The following RCOR1 variants were observed in gnomAD, a reference collection of about 807,000 sequenced individuals.
The protein encoded by RCOR1 is REST corepressor.
In RCOR1, 12 loss-of-function variants were observed where a neutral mutation model predicts 64.0. That is an observed-to-expected ratio of 0.19 (90% CI 0.12 to 0.30). RCOR1 has a LOEUF of 0.30. Ranked by LOEUF, RCOR1 falls within the 10% of genes least tolerant of loss-of-function variation. The probability of loss-of-function intolerance (pLI) is 1.00; values close to 1 mark genes in which losing one functional copy is unlikely to be tolerated. For synonymous variants in RCOR1, 279 were observed against 227.2 expected (o/e 1.23, Z -2.05); for missense variants, 502 against 621.2 (o/e 0.81, Z 2.04).
chr14:102,631,328 G>T (rs1039780884), intron 2 of RCOR1, among the ~76,000 whole-genome samples: 1 of 151,150 alleles, frequency 6.6e-6, no homozygotes, highest in East Asian at 2.0e-4. Context: ...TCAGCCTCCC[G>T]AGTAGCTGGG....
At chr14:102,660,285 TTGAA>T (rs1894803305) in intron 2 of RCOR1, among the ~76,000 whole-genome samples, 1 of 152,204 alleles carries the variant, frequency 6.6e-6, no homozygotes, top group Non-Finnish European at 1.5e-5. Context: ...TACTTGTGGT[TTGAA>T]TGGGTTTTTT....
In RCOR1 at chr14:102,593,266, G is replaced by A. The variant is rs768232994; in HGVS notation, c.302G>A (p.Gly101Asp). 1 of 1,531,328 alleles carries A rather than the reference G, an allele frequency of 6.5e-7. No individual in the cohort carries two copies. The allele number at this position is 1,531,328 out of a possible 1,614,324, so 94.9% of individuals were successfully genotyped here. Residue 101 changes from glycine (G) to aspartate (D), a missense_variant and splice_region_variant, in exon 2 of 12, where the codon GGT becomes GAT. This residue lies in a region of RCOR1 where 242 missense variants were observed against 204.9 expected (regional missense o/e 1.18). Transcript: ENST00000262241. ...SSGSSSDEEH[G>D]GGGMRVGPQY... Reference sequence around the variant, plus strand: ...CCGCCGTATTCTGCTTCCCCCGCAGGTGGCGGTGGCATGAGGGTCGGACCC... The same window carrying A: ...CCGCCGTATTCTGCTTCCCCCGCAGATGGCGGTGGCATGAGGGTCGGACCC...
chr14:102,706,133 A>C (rs912871004), intron 4 of RCOR1, among the ~76,000 whole-genome samples: 1 of 149,886 alleles, frequency 6.7e-6, no homozygotes, highest in Non-Finnish European at 1.5e-5. Flanking sequence ...AAAAAAAAAA[A>C]AAAAAAAAAC....
chr14:102,648,205 A>G (rs1452484390), intron 2 of RCOR1, among the ~76,000 whole-genome samples: 1 of 151,974 alleles, frequency 6.6e-6, no homozygotes, highest in Non-Finnish European at 1.5e-5. Context: ...CAGCCTTTGG[A>G]GTAGCTGAGA....
chr14:102,612,507 G>A (rs554692122), intron 2 of RCOR1, among the ~76,000 whole-genome samples: 97 of 151,216 alleles, frequency 6.4e-4, no homozygotes, highest in Non-Finnish European at 9.7e-4. Context: ...TCTGATTTTT[G>A]TATTTTTTGT....
intron 3 of RCOR1, among the ~76,000 whole-genome samples, chr14:102,694,778 A>G (rs180921274): frequency 1.6e-4 from 25 of 152,326 alleles, no homozygotes; most frequent in Non-Finnish European, 1.2e-4. Flanking sequence ...GCTCATTTTG[A>G]TTCTCAGCGA....
intron 3 of RCOR1, among the ~76,000 whole-genome samples, chr14:102,692,768 CT>C (rs538053987): frequency 0.02 from 2,258 of 111,756 alleles, 50 homozygotes; most frequent in African/African-American, 0.072. Flanking sequence ...TTTTCTTTTT[CT>C]TTTTTTTTTT....
At chr14:102,624,874 C>A (rs1444954731) in intron 2 of RCOR1, among the ~76,000 whole-genome samples, 5 of 152,020 alleles carry the variant, frequency 3.3e-5, no homozygotes, top group African/African-American at 1.2e-4. Context: ...AATACCTACA[C>A]TTCCCTTTTG....
At chr14:102,693,788 C>G (rs1895588025) in intron 3 of RCOR1, among the ~76,000 whole-genome samples, 1 of 152,126 alleles carries the variant, frequency 6.6e-6, no homozygotes, top group Non-Finnish European at 1.5e-5. Context: ...ATGCAGGTAG[C>G]TTGTATTTCT....
At chr14:102,605,923 G>GT (rs952145329) in intron 2 of RCOR1, among the ~76,000 whole-genome samples, 17 of 151,674 alleles carry the variant, frequency 1.1e-4, no homozygotes, top group Non-Finnish European at 2.4e-4. Flanking sequence ...TGTCTTTGTG[G>GT]TTTTTTTTGT....
chr14:102,593,310 C>G lies in RCOR1; in HGVS notation c.346C>G (p.Pro116Ala), dbSNP rs1490228253. 4.5e-6 allele frequency: 7 copies of G among 1,547,304 alleles called. No homozygotes were observed. In the Admixed American group the frequency reaches 1.3e-4, roughly 30 times the overall value. The change falls in exon 2 of 12, where the codon CCC becomes GCC. Residue 116 changes from proline (P) to alanine (A), a missense_variant. This residue lies in a region of RCOR1 where 242 missense variants were observed against 204.9 expected (regional missense o/e 1.18). Transcript: ENST00000262241. ...RVGPQYQAVVPDFDPAKLARR... is the reference protein window; with the variant it reads ...RVGPQYQAVVADFDPAKLARR... ...CGGACCCCAGTACCAGGCGGTGGTG[C>G]CCGACTTCGACCCCGGTGAGTAGCG...
intron 2 of RCOR1, among the ~76,000 whole-genome samples, chr14:102,634,380 C>T (rs1894188585): frequency 6.6e-6 from 1 of 151,768 alleles, no homozygotes; most frequent in Non-Finnish European, 1.5e-5. Context: ...GTCTCAAAAA[C>T]CAACCAACCA....
chr14:102,623,311 T>C (rs1395609989), intron 2 of RCOR1, among the ~76,000 whole-genome samples: 1 of 152,014 alleles, frequency 6.6e-6, no homozygotes, highest in African/African-American at 2.4e-5. Flanking sequence ...AGCTTGGTAA[T>C]TGTGTGCTAT....
chr14:102,634,199 T>A (rs1010902300), intron 2 of RCOR1, among the ~76,000 whole-genome samples: 1 of 152,112 alleles, frequency 6.6e-6, no homozygotes, highest in African/African-American at 2.4e-5. Context: ...AGGCTCCTTA[T>A]TAATCCTGAC....
chr14:102,721,625 G>A (rs777195070), intron 10 of RCOR1: 17 of 326,358 alleles, frequency 5.2e-5, no homozygotes, highest in Non-Finnish European at 7.7e-5. Flanking sequence ...GAAAAGTTAC[G>A]TCCTGCCCTA....
chr14:102,729,269 TG>T lies in RCOR1; in HGVS notation c.*2764del, dbSNP rs1448800723. 2 of 152,692 alleles carry T rather than the reference TG, an allele frequency of 1.3e-5. No homozygotes were observed. The highest frequency in any genetic ancestry group is 2.9e-5 in the Non-Finnish European group (2 of 68,062). The allele number at this position is 152,692 out of a possible 1,614,324, so 9.5% of individuals were successfully genotyped here. On this transcript the variant is annotated 3_prime_UTR_variant, in exon 12 of 12. Coordinates refer to ENST00000262241, the MANE Select transcript of RCOR1 (RefSeq NM_015156.4). ...TTTTATTTAATTTTATGTAGATGTG[TG>T]AAGTGTTAGGTAAAATTTTTTTCAC...
chr14:102,602,565 G>A (rs1297456465), intron 2 of RCOR1, among the ~76,000 whole-genome samples: 1 of 151,692 alleles, frequency 6.6e-6, no homozygotes, highest in African/African-American at 2.4e-5. Flanking sequence ...TACCACGCCT[G>A]GCTAATTTTA....
intron 2 of RCOR1, among the ~76,000 whole-genome samples, chr14:102,594,773 G>A (rs1893209278): frequency 6.6e-6 from 1 of 152,074 alleles, no homozygotes; most frequent in East Asian, 1.9e-4. Flanking sequence ...TTGGCCACCA[G>A]GGGAAGCATA....
At chr14:102,712,848 A>G (rs1895988627) in intron 7 of RCOR1, among the ~76,000 whole-genome samples, 1 of 151,392 alleles carries the variant, frequency 6.6e-6, no homozygotes, top group African/African-American at 2.4e-5. Context: ...TAGGTTTTTC[A>G]GTGGCACATT....
Sources: allele counts gnomAD v4.1 joint callset (sites outside exome capture counted in the v4.1 genomes callset), GRCh38; gene constraint gnomAD v4.1.1; regional missense constraint gnomAD v4.1.1; transcripts MANE v1.5; gene names NCBI Gene and HGNC (gene_info 2026-07-23, HGNC 2026-07-21).